WWC1: variants seen among roughly 807,000 people sequenced by gnomAD.
WWC1 encodes the protein protein KIBRA.
A neutral mutation model predicts 138.4 loss-of-function variants in WWC1; 55 were observed. That is an observed-to-expected ratio of 0.40 (90% confidence interval 0.32 to 0.50). WWC1 has a LOEUF of 0.50. Among genes scored for constraint, WWC1 ranks in the 20% least tolerant of loss-of-function variants. The pLI, the probability that WWC1 is intolerant of heterozygous loss-of-function variation, is 0.72. For missense variants in WWC1, 1,226 were observed against 1,420.4 expected (o/e 0.86, Z 2.20); for synonymous variants, 524 against 564.9 (o/e 0.93, Z 1.03).
At position 168,448,408 on chromosome 5, in the gene WWC1, T is replaced by A. The variant is rs183338181; in HGVS notation, c.2525+3823T>A. Among the ~76,000 whole-genome samples the A allele has an allele frequency of 2.1e-3, 322 of 152,242 alleles. 2 individuals are homozygous for A. The highest frequency in any genetic ancestry group is 6.5e-3 in the African/African-American group (272 of 41,530). On this transcript the variant is annotated intron_variant, in intron 17 of 22. Coordinates refer to ENST00000265293, the MANE Select transcript of WWC1 (RefSeq NM_015238.3). ...ATAATCAGAAAACTGGATTTTTTTT[T>A]AAAAGATCCACAAGCAAAATAAAAC...
chr5:168,358,891 C>A (rs1582028094), intron 1 of WWC1, among the ~76,000 whole-genome samples: 1 of 152,076 alleles, frequency 6.6e-6, no homozygotes, highest in Admixed American at 6.6e-5. Context: ...TCTTGTGCCC[C>A]TCTGTAATCC....
intron 1 of WWC1, among the ~76,000 whole-genome samples, chr5:168,356,796 C>A (rs1341908698): frequency 6.6e-6 from 1 of 152,126 alleles, no homozygotes; most frequent in African/African-American, 2.4e-5. Flanking sequence ...AGGGAATTGG[C>A]TCTTGTCGCG....
At position 168,292,007 on chromosome 5, in the gene WWC1, C is replaced by G. The variant is rs1769086534; in HGVS notation, c.-146C>G. The G allele has an allele frequency of 4.3e-6, 4 of 937,806 alleles. No homozygotes were observed. The highest frequency in any genetic ancestry group is 5.7e-6 in the Non-Finnish European group (4 of 697,122). The allele number at this position is 937,806 out of a possible 1,614,324, so 58.1% of individuals were successfully genotyped here. A position where few individuals can be genotyped will look rare whatever the true frequency, so the allele number is the denominator to read the frequency against. ...GGACAGCGGCGCCACCCCGGCCGGC[C>G]CCTACTAGGGCCCCCCATCTGCGGG... On this transcript the variant is annotated 5_prime_UTR_variant, in exon 1 of 23. Coordinates refer to ENST00000265293, the MANE Select transcript of WWC1 (RefSeq NM_015238.3). The surrounding 1 kb of genome is among the most constrained non-coding windows in gnomAD (Gnocchi z 4.4).
intron 22 of WWC1, 41 bp from the exon 23 acceptor site, chr5:168,468,910 G>A (rs1344175759): frequency 6.2e-7 from 1 of 1,606,598 alleles, no homozygotes; most frequent in South Asian, 1.1e-5. Context: ...TGTAGAGCGA[G>A]GTTGAAAACC....
chr5:168,464,590 G>C, intron 20 of WWC1, 139 bp from the exon 21 acceptor site: 1 of 1,397,040 alleles, frequency 7.2e-7, no homozygotes, highest in Non-Finnish European at 9.5e-7. Context: ...ATTCAAAACA[G>C]GCTTCCCAGG....
In WWC1 at chr5:168,469,115, C is replaced by A; in HGVS notation, c.*98C>A. 1 of 1,443,952 alleles carries A rather than the reference C, an allele frequency of 6.9e-7. No individual in the cohort carries two copies. Among genetic ancestry groups the A allele is most frequent in the South Asian group, 1.2e-5 (1 of 85,186 alleles). 89.4% of individuals were successfully genotyped at this position (1,443,952 alleles called of 1,614,324 possible). ...GGTGTTATATGAAGGTACTGAGTCA[C>A]AAGTCCTCTAGTGCTCTTGTTGGTT... On this transcript the variant is annotated 3_prime_UTR_variant, in exon 23 of 23. Transcript: ENST00000265293.
intron 1 of WWC1, among the ~76,000 whole-genome samples, chr5:168,328,494 T>G (rs918556008): frequency 1.3e-5 from 2 of 152,288 alleles, no homozygotes; most frequent in African/African-American, 4.8e-5. Flanking sequence ...ATTCCCCTTT[T>G]CCTTATTAGA....
chr5:168,292,924 T>A lies in WWC1; in HGVS notation c.119+653T>A, dbSNP rs115945294. Among the ~76,000 whole-genome samples the A allele has an allele frequency of 5.9e-3, 893 of 152,236 alleles. 10 individuals carry two copies. Among genetic ancestry groups the A allele is most frequent in the African/African-American group, 0.02 (844 of 41,528 alleles). ...GAGGGAGACTGGTTATCCAGGAATC[T>A]GGCAGCAACTTGGAAGCTGTTAGGA... On this transcript the variant is annotated intron_variant, in intron 1 of 22. Coordinates refer to ENST00000265293, the MANE Select transcript of WWC1 (RefSeq NM_015238.3). This position sits in a 1 kb window ranked among gnomAD's most constrained non-coding sequence, Gnocchi z 4.4.
chr5:168,389,593 TTTTG>T (rs1359146158), intron 3 of WWC1, among the ~76,000 whole-genome samples: 954 of 81,906 alleles, frequency 0.012, 14 homozygotes, highest in African/African-American at 0.053. Flanking sequence ...ACTATTGAAT[TTTTG>T]TTTTTTTTTT....
chr5:168,303,249 AC>A (rs1770256364), intron 1 of WWC1, among the ~76,000 whole-genome samples: 1 of 152,156 alleles, frequency 6.6e-6, no homozygotes, highest in Admixed American at 6.6e-5. Context: ...TGTTTTGCTG[AC>A]CAAAGCCTGA....
intron 2 of WWC1, among the ~76,000 whole-genome samples, chr5:168,381,146 C>T (rs191216423): frequency 3.7e-4 from 57 of 152,182 alleles, no homozygotes; most frequent in Non-Finnish European, 6.6e-4. Context: ...TTTGTCTGTT[C>T]GTGCACCCAT....
At position 168,431,338 on chromosome 5, in the gene WWC1, T is replaced by C. The variant is rs1212770044; in HGVS notation, c.2174T>C (p.Val725Ala). 1 of 1,614,094 alleles carries C rather than the reference T, an allele frequency of 6.2e-7. No homozygotes were observed. The highest frequency in any genetic ancestry group is 2.2e-5 in the East Asian group (1 of 44,868). ...CCTCTGGACGCCTCAGACACTCTAG[T>C]GTTCAATGAGGTGTTCTGGGTATCC... ...TRPLDASDTL[V>A]FNEVFWVSMS... Residue 725 changes from valine to alanine, a missense_variant, in exon 15 of 23, where the codon GTG (valine) becomes GCG (alanine). This residue lies in a region of WWC1 where 1,016 missense variants were observed against 1,153.9 expected (regional missense o/e 0.88). Transcript: ENST00000265293.
chr5:168,461,732 C>T (rs913221951), intron 20 of WWC1, among the ~76,000 whole-genome samples: 4 of 152,152 alleles, frequency 2.6e-5, no homozygotes, highest in Non-Finnish European at 5.9e-5. Flanking sequence ...AATGAGTTTG[C>T]AGAACCAGAA....
At chr5:168,380,911 A>T (rs1017992950) in intron 2 of WWC1, among the ~76,000 whole-genome samples, 1 of 152,204 alleles carries the variant, frequency 6.6e-6, no homozygotes. Context: ...TAACTGTGTG[A>T]GTCCATGCAT....
intron 1 of WWC1, among the ~76,000 whole-genome samples, chr5:168,363,990 GTGATTCTTCACAAC>G (rs1205459401): frequency 2.0e-5 from 3 of 152,114 alleles, no homozygotes; most frequent in Non-Finnish European, 4.4e-5. Context: ...AAAGGGTGAT[GTGATTCTTCACAAC>G]GCGCAGAACT....
In WWC1 at chr5:168,424,067, A is replaced by G. The variant is rs2152853873; in HGVS notation, c.1809A>G (p.Gln603=). The change falls in exon 11 of 23, where the codon CAA becomes CAG. Residue 603 remains glutamine, a splice_region_variant and synonymous_variant. Transcript: ENST00000265293. ...EPGTEGKQLG[Q]AVNTAQGCGL... ...GAACGGAGGGCAAGCAGCTGGGCCA[A>G]GGTAGAGAGCACCATACCCAGAGGG... The G allele has an allele frequency of 6.3e-7, 1 of 1,592,698 alleles. No individual in the cohort carries two copies. Among genetic ancestry groups the G allele is most frequent in the Non-Finnish European group, 8.5e-7 (1 of 1,169,830 alleles).
chr5:168,326,059 C>T (rs905941537), intron 1 of WWC1, among the ~76,000 whole-genome samples: 6 of 151,974 alleles, frequency 3.9e-5, no homozygotes, highest in African/African-American at 9.7e-5. Flanking sequence ...GTTCCTCTGT[C>T]GGTGGACATT....
At chr5:168,403,888 AC>A (rs1779579249) in intron 5 of WWC1, among the ~76,000 whole-genome samples, 1 of 150,340 alleles carries the variant, frequency 6.7e-6, no homozygotes, top group Non-Finnish European at 1.5e-5. Flanking sequence ...ACACACACAC[AC>A]ACACACACAC....
At chr5:168,409,602 C>G (rs1248177069) in intron 7 of WWC1, among the ~76,000 whole-genome samples, 5 of 152,230 alleles carry the variant, frequency 3.3e-5, no homozygotes, top group Non-Finnish European at 1.5e-5. Context: ...GTTTCCTCCT[C>G]ACCAACTGTC....
Sources: gnomAD v4.1 joint callset for allele counts (sites outside exome capture counted in the v4.1 genomes callset) on GRCh38, gnomAD v4.1.1 for gene constraint, gnomAD v4.1.1 regional missense constraint, Gnocchi (gnomAD v3.1) non-coding constraint, MANE v1.5 for transcripts, NCBI Gene and HGNC (gene_info 2026-07-23, HGNC 2026-07-21) for gene names.